GABRA2: variants seen among roughly 807,000 people sequenced by gnomAD.
The protein encoded by GABRA2 is gamma-aminobutyric acid receptor subunit alpha-2.
In GABRA2, 16 loss-of-function variants were observed where a neutral mutation model predicts 48.7. The observed-to-expected ratio is 0.33, with a 90% CI of 0.22 to 0.50. The LOEUF is 0.50. GABRA2 is among the 20% of genes least tolerant of loss of function. GABRA2 has a pLI of 0.98. For missense variants in GABRA2, 275 were observed against 535.6 expected (o/e 0.51, Z 4.80); for synonymous variants, 185 against 184.5 (o/e 1.00, Z -0.02).
At position 46,388,621 on chromosome 4, in the gene GABRA2, C is replaced by T; in HGVS notation, c.71+15G>A. The T allele has an allele frequency of 1.9e-6, 3 of 1,613,658 alleles. No homozygotes were observed. The highest frequency in any genetic ancestry group is 2.5e-6 in the Non-Finnish European group (3 of 1,179,786). On this transcript the variant is annotated intron_variant, in intron 2 of 9. Transcript: ENST00000381620. ...TGCCCTGAATTAAAATAGTCAAATA[C>T]AATAAATATCTCACCTGGCAGGGTC...
At chr4:46,343,802 A>C (rs796099791) in intron 3 of GABRA2, among the ~76,000 whole-genome samples, 2 of 152,004 alleles carry the variant, frequency 1.3e-5, no homozygotes, top group South Asian at 2.1e-4. Flanking sequence ...GTAATATAAA[A>C]GATTTTGCCA....
chr4:46,284,077 GAAA>G (rs3068328), intron 8 of GABRA2, among the ~76,000 whole-genome samples: 63,938 of 123,206 alleles, frequency 0.52, 14,521 homozygotes, highest in South Asian at 0.76. Context: ...GTTCTTAATA[GAAA>G]AAAAAAAAAA....
At chr4:46,275,413 A>C (rs898025569) in intron 8 of GABRA2, among the ~76,000 whole-genome samples, 2 of 152,090 alleles carry the variant, frequency 1.3e-5, no homozygotes, top group Non-Finnish European at 2.9e-5. Flanking sequence ...ACCAGTTATG[A>C]CCTAGAGGTT....
At chr4:46,332,728 C>T (rs1731577381) in intron 3 of GABRA2, 46 bp from the exon 4 acceptor site, 1 of 1,131,590 alleles carries the variant, frequency 8.8e-7, no homozygotes, top group Admixed American at 1.8e-5. Flanking sequence ...ATAATAAGAG[C>T]CACAGGAGAG....
At position 46,244,435 on chromosome 4, in the gene GABRA2, T is replaced by C. The variant is rs1192599910; in HGVS notation, c.*5873A>G. 1.3e-5 allele frequency among the ~76,000 whole-genome samples: 2 copies of C among 151,592 alleles called. No individual in the cohort carries two copies. Among genetic ancestry groups the C allele is most frequent in the Non-Finnish European group, 3.0e-5 (2 of 67,684 alleles). ...TAGTTTGCCTTTTGGCATCATGTTA[T>C]GGCAAAGTCTTCTAAAAAGAAGCAT... On this transcript the variant is annotated 3_prime_UTR_variant, in exon 10 of 10. Coordinates refer to ENST00000381620, the MANE Select transcript of GABRA2 (RefSeq NM_000807.4).
At chr4:46,276,582 A>T (rs911082049) in intron 8 of GABRA2, among the ~76,000 whole-genome samples, 2 of 148,664 alleles carry the variant, frequency 1.3e-5, no homozygotes, top group Admixed American at 1.4e-4. Context: ...CACCAAGAGC[A>T]TTACTGACTT....
At chr4:46,347,675 G>C (rs1486735832) in intron 3 of GABRA2, among the ~76,000 whole-genome samples, 1 of 151,776 alleles carries the variant, frequency 6.6e-6, no homozygotes, top group East Asian at 1.9e-4. Context: ...ATACAGTATT[G>C]GTCTGGGCTA....
chr4:46,347,528 C>G lies in GABRA2; in HGVS notation c.188-14846G>C, dbSNP rs563320972. 1.6e-3 allele frequency among the ~76,000 whole-genome samples: 240 copies of G among 152,040 alleles called. 7 individuals carry two copies. The South Asian group carries it at 0.049, about 31-fold the overall frequency. Reference sequence around the variant, plus strand: ...TCCTCCATAAATAATGTTGGAAAAACTGTCTATCCACATGCAGAAGAATGA... The same window carrying G: ...TCCTCCATAAATAATGTTGGAAAAAGTGTCTATCCACATGCAGAAGAATGA... On this transcript the variant is annotated intron_variant, in intron 3 of 9. Transcript: ENST00000381620.
intron 4 of GABRA2, among the ~76,000 whole-genome samples, chr4:46,318,641 A>T (rs1046474960): frequency 6.6e-6 from 1 of 151,696 alleles, no homozygotes; most frequent in Non-Finnish European, 1.5e-5. Context: ...CCAAAAAAAT[A>T]AAAAACGGTC....
intron 3 of GABRA2, among the ~76,000 whole-genome samples, chr4:46,354,179 A>G (rs4540087): frequency 0.63 from 95,087 of 152,030 alleles, 30,498 homozygotes; most frequent in African/African-American, 0.76. Context: ...CCAACATTTA[A>G]AAAAGTTTGT....
At chr4:46,318,779 GAAAC>G (rs1364895982) in intron 4 of GABRA2, among the ~76,000 whole-genome samples, 1 of 151,540 alleles carries the variant, frequency 6.6e-6, no homozygotes, top group African/African-American at 2.4e-5. Context: ...AATTTAATAA[GAAAC>G]AAACAAAAAA....
At chr4:46,382,001 T>C (rs1448631037) in intron 3 of GABRA2, among the ~76,000 whole-genome samples, 1 of 152,136 alleles carries the variant, frequency 6.6e-6, no homozygotes, top group Non-Finnish European at 1.5e-5. Context: ...ATTCAAGAGA[T>C]ATTTTGTTGA....
intron 5 of GABRA2, 150 bp from the exon 6 acceptor site, chr4:46,310,405 T>C (rs1276462934): frequency 3.9e-6 from 2 of 517,230 alleles, no homozygotes; most frequent in Admixed American, 5.9e-5. Flanking sequence ...TCATTCATGT[T>C]TAGGTGATCC....
intron 4 of GABRA2, among the ~76,000 whole-genome samples, chr4:46,326,325 C>T (rs1200834782): frequency 6.6e-6 from 1 of 151,796 alleles, no homozygotes; most frequent in Non-Finnish European, 1.5e-5. Flanking sequence ...TTCCCCACCC[C>T]CAGGTGATGT....
At chr4:46,302,137 T>C (rs1459122768) in intron 8 of GABRA2, among the ~76,000 whole-genome samples, 2 of 151,878 alleles carry the variant, frequency 1.3e-5, no homozygotes, top group Non-Finnish European at 2.9e-5. Flanking sequence ...GGCATGATCA[T>C]AGCTCACGAT....
At position 46,312,732 on chromosome 4, in the gene GABRA2, G is replaced by C; in HGVS notation, c.256-16C>G. 1 of 1,316,044 alleles carries C rather than the reference G, an allele frequency of 7.6e-7. No individual in the cohort carries two copies. The highest frequency in any genetic ancestry group is 1.0e-6 in the Non-Finnish European group (1 of 960,898). 81.5% of individuals were successfully genotyped at this position (1,316,044 alleles called of 1,614,324 possible). A position where few individuals can be genotyped will look rare whatever the true frequency, so the allele number is the denominator to read the frequency against. On this transcript the variant is annotated splice_polypyrimidine_tract_variant and intron_variant, in intron 4 of 9. Coordinates refer to ENST00000381620, the MANE Select transcript of GABRA2 (RefSeq NM_000807.4). ...TTGTATATTCCTGAAATAAAAAATA[G>C]AATTTTTTTGAAAATAGTAAATGTT...
At chr4:46,382,578 G>T (rs1448353273) in intron 3 of GABRA2, among the ~76,000 whole-genome samples, 1 of 152,148 alleles carries the variant, frequency 6.6e-6, no homozygotes, top group African/African-American at 2.4e-5. Context: ...CTGAGCAGTT[G>T]AGGGGCATGC....
chr4:46,323,008 A>G (rs2109760453), intron 4 of GABRA2, among the ~76,000 whole-genome samples: 1 of 151,742 alleles, frequency 6.6e-6, no homozygotes, highest in Non-Finnish European at 1.5e-5. Context: ...AAATAGTTAT[A>G]TTTTAACTAT....
At chr4:46,297,187 G>C (rs1401261372) in intron 8 of GABRA2, among the ~76,000 whole-genome samples, 1 of 151,980 alleles carries the variant, frequency 6.6e-6, no homozygotes, top group Non-Finnish European at 1.5e-5. Context: ...ATTAACATTT[G>C]ATTCAGTGGA....
Sources: allele counts gnomAD v4.1 joint callset (sites outside exome capture counted in the v4.1 genomes callset), GRCh38; gene constraint gnomAD v4.1.1; transcripts MANE v1.5; gene names NCBI Gene and HGNC (gene_info 2026-07-23, HGNC 2026-07-21).